Variants in DENND2B observed in about 807,000 individuals in gnomAD.
DENND2B encodes the protein DENN domain-containing protein 2B.
DENND2B carries 32 observed loss-of-function variants against 116.0 expected under a neutral mutation model. The ratio of observed to expected loss-of-function variants is 0.28; its 90% confidence interval spans 0.21 to 0.37. The LOEUF is 0.37. Ranked by LOEUF, DENND2B falls within the 10% of genes least tolerant of loss-of-function variation. The probability of loss-of-function intolerance (pLI) is 1.00; values close to 1 mark genes in which losing one functional copy is unlikely to be tolerated. For synonymous variants in DENND2B, 588 were observed against 583.9 expected, an observed-to-expected ratio of 1.01 and a Z score of -0.10; for missense variants, 1,276 against 1,477.7, an observed-to-expected ratio of 0.86 and a Z score of 2.24.
At chr11:8,790,867 T>C (rs2059322618) in intron 1 of DENND2B, among the ~76,000 whole-genome samples, 1 of 152,164 alleles carries the variant, frequency 6.6e-6, no homozygotes, top group South Asian at 2.1e-4. Context: ...CTAACTTTTC[T>C]TTTCTGAGTT....
chr11:8,871,971 A>G (rs1205566006), upstream of DENND2B, among the ~76,000 whole-genome samples: 1 of 152,208 alleles, frequency 6.6e-6, no homozygotes, highest in African/African-American at 2.4e-5. Flanking sequence ...TGTAAATAAA[A>G]TTTGATAATA....
intron 2 of DENND2B, among the ~76,000 whole-genome samples, chr11:8,737,117 C>T (rs372986575): frequency 6.6e-6 from 1 of 152,110 alleles, no homozygotes; most frequent in African/African-American, 2.4e-5. Context: ...AGGACAGCAT[C>T]AGGATATTTG....
intron 4 of DENND2B, chr11:8,719,239 C>A: frequency 1.0e-6 from 1 of 985,424 alleles, no homozygotes; most frequent in South Asian, 4.7e-5. Flanking sequence ...CTTGCAGATT[C>A]CTCCATTTCC....
intron 19 of DENND2B, among the ~76,000 whole-genome samples, chr11:8,695,093 T>C (rs138643348): frequency 8.0e-4 from 122 of 152,030 alleles, no homozygotes; most frequent in African/African-American, 2.7e-3. Context: ...TAAAATAAAA[T>C]AACAAAATTT....
At position 8,786,547 on chromosome 11, in the gene DENND2B, A is replaced by G. The variant is rs991192385; in HGVS notation, c.-26+23970T>C. 1.7e-4 allele frequency among the ~76,000 whole-genome samples: 26 copies of G among 152,326 alleles called. 1 individual carries two copies. The South Asian group carries it at 1.9e-3, about 11-fold the overall frequency. On this transcript the variant is annotated intron_variant, in intron 1 of 19. Transcript: ENST00000313726. ...TTAGGAAGGCCAGGCATGGTGGCTC[A>G]TGCCTGTAATCCCAGCACTTTGGGA...
chr11:8,715,763 T>C lies in DENND2B; in HGVS notation c.1685A>G (p.Lys562Arg). 6.2e-7 allele frequency: 1 copy of C among 1,613,980 alleles called. No individual in the cohort carries two copies. Among genetic ancestry groups the C allele is most frequent in the Non-Finnish European group, 8.5e-7 (1 of 1,179,858 alleles). Residue 562 changes from lysine to arginine, a missense_variant, in exon 6 of 20, where the codon AAG (lysine) becomes AGG (arginine). Coordinates refer to ENST00000313726, the MANE Select transcript of DENND2B (RefSeq NM_213618.2). ...SLRSGNWSER[K>R]SHRLPRLPKR... The stretch of plus-strand genomic sequence containing the variant: ...GGGTAATCGTGGCAGCCGGTGGCTC[T>C]TCCTTTCTGACCAGTTCCCACTGCG...
At chr11:8,881,017 G>C in exon 2 of DENND2B, 1 of 152,126 alleles carries the variant, frequency 6.6e-6, no homozygotes, top group Non-Finnish European at 1.5e-5. Context: ...TACCCATGTT[G>C]AATCTCCTGT....
chr11:8,753,537 T>C, intron 1 of DENND2B, among the ~76,000 whole-genome samples: 1 of 152,182 alleles, frequency 6.6e-6, no homozygotes, highest in East Asian at 1.9e-4. Context: ...CCAGCTAGCT[T>C]CTTTTCAGAA....
chr11:8,906,075 C>T (rs566620370), intron 1 of DENND2B, among the ~76,000 whole-genome samples: 1 of 151,686 alleles, frequency 6.6e-6, no homozygotes, highest in Admixed American at 6.6e-5. Flanking sequence ...CAGGTAATGA[C>T]AGTGTTCCAA....
At chr11:8,717,703 C>G in intron 5 of DENND2B, 38 bp downstream of exon 5, 4 of 1,491,186 alleles carry the variant, frequency 2.7e-6, no homozygotes, top group Non-Finnish European at 3.6e-6. Flanking sequence ...CTGTGGCCCT[C>G]ACGCTAACCC....
intron 2 of DENND2B, among the ~76,000 whole-genome samples, chr11:8,864,984 G>A (rs1488443933): frequency 6.6e-6 from 1 of 152,154 alleles, no homozygotes; most frequent in East Asian, 1.9e-4. Flanking sequence ...CCTACTCAAA[G>A]GAGTTTCCAA....
intron 1 of DENND2B, among the ~76,000 whole-genome samples, chr11:8,898,996 A>T (rs2064133616): frequency 6.6e-6 from 1 of 152,220 alleles, no homozygotes; most frequent in African/African-American, 2.4e-5. Context: ...AACAGTGACA[A>T]TATAGAATAT....
chr11:8,739,918 G>T (rs1406630456), intron 2 of DENND2B, among the ~76,000 whole-genome samples: 1 of 152,204 alleles, frequency 6.6e-6, no homozygotes, highest in East Asian at 1.9e-4. Context: ...AGACATGGTG[G>T]CTCATGCCTC....
At chr11:8,775,985 C>T (rs1593508484) in intron 1 of DENND2B, among the ~76,000 whole-genome samples, 2 of 152,086 alleles carry the variant, frequency 1.3e-5, no homozygotes, top group African/African-American at 2.4e-5. Context: ...GCTCCTTAAC[C>T]GCCAATCACA....
chr11:8,791,447 CTTTT>C (rs890110835), intron 1 of DENND2B, among the ~76,000 whole-genome samples: 1 of 151,072 alleles, frequency 6.6e-6, no homozygotes, highest in African/African-American at 2.4e-5. Context: ...TCACTAAAGG[CTTTT>C]TTTTTGTAAA....
rs201564210 is a variant in DENND2B at position 8,730,101 on chromosome 11, C to G, written c.1189G>C (p.Glu397Gln). ...TTACTCTTGGGGTTCTTGTCAGCCT[C>G]GTATTCAAAGGTGCGCTTGGGTTTG... ...VPKPKRTFEY[E>Q]ADKNPKSKPS... The change falls in exon 3 of 20, where the codon GAG becomes CAG. Residue 397 changes from glutamate to glutamine, a missense_variant. Around this residue, in one of 2 missense-constraint regions of DENND2B, gnomAD observed 856 missense variants for 846.6 expected, o/e 1.01. Transcript: ENST00000313726. This position sits in a 1 kb window ranked among gnomAD's most constrained non-coding sequence, Gnocchi z 4.1. 1 of 1,614,138 alleles carries G rather than the reference C, an allele frequency of 6.2e-7. No individual in the cohort carries two copies. Among genetic ancestry groups the G allele is most frequent in the Non-Finnish European group, 8.5e-7 (1 of 1,180,022 alleles).
At chr11:8,800,103 G>A (rs1317311793) in intron 1 of DENND2B, among the ~76,000 whole-genome samples, 1 of 151,960 alleles carries the variant, frequency 6.6e-6, no homozygotes, top group Non-Finnish European at 1.5e-5. Context: ...ACAGGCATGT[G>A]TTACCATGCT....
At chr11:8,750,546 AT>A in intron 2 of DENND2B, 74 bp downstream of exon 2, 3 of 1,248,196 alleles carry the variant, frequency 2.4e-6, no homozygotes, top group Non-Finnish European at 3.5e-6. Context: ...GATGATGACT[AT>A]TTACATTTTG....
chr11:8,759,731 A>G (rs2054256790), intron 1 of DENND2B, among the ~76,000 whole-genome samples: 1 of 152,198 alleles, frequency 6.6e-6, no homozygotes, highest in Non-Finnish European at 1.5e-5. Flanking sequence ...CTGCCTACTC[A>G]TCCTGCCCAG....
Sources: allele counts gnomAD v4.1 joint callset (sites outside exome capture counted in the v4.1 genomes callset), GRCh38; gene constraint gnomAD v4.1.1; regional missense constraint gnomAD v4.1.1; non-coding constraint Gnocchi (gnomAD v3.1); transcripts MANE v1.5; gene names NCBI Gene and HGNC (gene_info 2026-07-23, HGNC 2026-07-21).